SLC7A11: variants seen among roughly 807,000 people sequenced by gnomAD.
SLC7A11 encodes solute carrier family 7 member 11.
SLC7A11 carries 35 observed loss-of-function variants against 54.5 expected under a neutral mutation model. The observed-to-expected ratio is 0.64, with a 90% confidence interval of 0.49 to 0.85. The LOEUF (loss-of-function observed/expected upper bound fraction) is 0.85. SLC7A11 is among the 40% of genes least tolerant of loss of function. The pLI is 0.00. For missense variants in SLC7A11, 583 were observed against 618.1 expected, an observed-to-expected ratio of 0.94 and a Z score of 0.60; for synonymous variants, 230 against 225.2, an observed-to-expected ratio of 1.02 and a Z score of -0.19.
chr4:138,207,823 G>T (rs1398672145), intron 6 of SLC7A11, among the ~76,000 whole-genome samples: 1 of 152,094 alleles, frequency 6.6e-6, no homozygotes, highest in African/African-American at 2.4e-5. Context: ...ACACATTTGG[G>T]CAAGATATTT....
intron 1 of SLC7A11, 96 bp downstream of exon 1, chr4:138,241,697 A>G: frequency 1.0e-6 from 1 of 959,352 alleles, no homozygotes; most frequent in South Asian, 1.5e-5. Context: ...GGCCTTTGCC[A>G]TCCATTCACT....
Position 138,241,919 on chromosome 4 carries a change from A to C in SLC7A11, c.151T>G (p.Ser51Ala). 3 of 1,613,974 alleles carry C rather than the reference A, an allele frequency of 1.9e-6. No individual in the cohort carries two copies. Among genetic ancestry groups the C allele is most frequent in the East Asian group, 4.5e-5 (2 of 44,856 alleles). ...KRKVTLLRGVSIIIGTIIGAG... is the reference protein window; with the variant it reads ...KRKVTLLRGVAIIIGTIIGAG... ...CCAATGATGGTGCCAATGATAATGG[A>C]GACTCCCCTCAGTAAAGTGACTTTC... The change falls in exon 1 of 12, where the codon TCC becomes GCC. Residue 51 changes from serine (S) to alanine (A), a missense_variant. Coordinates refer to ENST00000280612, the MANE Select transcript of SLC7A11 (RefSeq NM_014331.4).
intron 6 of SLC7A11, among the ~76,000 whole-genome samples, chr4:138,210,117 A>T (rs1455397055): frequency 2.6e-5 from 4 of 152,086 alleles, no homozygotes; most frequent in Admixed American, 6.6e-5. Context: ...GATCTCCAAC[A>T]AAGTCAACAA....
chr4:138,212,711 T>C (rs910236630), intron 6 of SLC7A11, among the ~76,000 whole-genome samples: 3 of 151,870 alleles, frequency 2.0e-5, no homozygotes, highest in Non-Finnish European at 4.4e-5. Context: ...CTTCAAGATA[T>C]GCTTAATATA....
At chr4:138,196,435 T>C (rs779050518) in intron 6 of SLC7A11, among the ~76,000 whole-genome samples, 6 of 152,078 alleles carry the variant, frequency 3.9e-5, no homozygotes, top group Non-Finnish European at 7.4e-5. Flanking sequence ...CAAGGAAGAC[T>C]CACTTCTAAA....
At chr4:138,198,183 G>T (rs938491366) in intron 6 of SLC7A11, among the ~76,000 whole-genome samples, 3 of 151,574 alleles carry the variant, frequency 2.0e-5, no homozygotes, top group African/African-American at 7.3e-5. Flanking sequence ...AGATGAAAAT[G>T]ATCTAGGGAT....
intron 3 of SLC7A11, among the ~76,000 whole-genome samples, chr4:138,231,741 C>A (rs561158969): frequency 1.3e-4 from 19 of 152,000 alleles, no homozygotes; most frequent in Admixed American, 3.9e-4. Flanking sequence ...AATTTGGAGA[C>A]CATAAAGAAA....
chr4:138,200,978 A>T (rs1208017928), intron 6 of SLC7A11, among the ~76,000 whole-genome samples: 1 of 152,152 alleles, frequency 6.6e-6, no homozygotes, highest in Admixed American at 6.6e-5. Flanking sequence ...ACCATAGACT[A>T]TCAGGGAGGA....
intron 10 of SLC7A11, among the ~76,000 whole-genome samples, chr4:138,179,658 G>A (rs938067559): frequency 6.6e-6 from 1 of 152,060 alleles, no homozygotes; most frequent in Non-Finnish European, 1.5e-5. Context: ...GACAAAAATG[G>A]ATACTTTATT....
At chr4:138,174,379 C>T (rs1246479018) in intron 11 of SLC7A11, 1 of 152,244 alleles carries the variant, frequency 6.6e-6, no homozygotes, top group Non-Finnish European at 1.5e-5. Flanking sequence ...GTTTTGCACA[C>T]TTTCTGCTAT....
intron 6 of SLC7A11, among the ~76,000 whole-genome samples, chr4:138,200,955 G>C (rs1737268079): frequency 6.6e-6 from 1 of 152,046 alleles, no homozygotes. Context: ...CTATCTCTTA[G>C]AGAACGGCCA....
In SLC7A11 at chr4:138,170,240, G is replaced by A. The variant is rs1310440470; in HGVS notation, c.*1716C>T. 1 of 84,752 alleles carries A rather than the reference G, an allele frequency of 1.2e-5. No homozygotes were observed. Among genetic ancestry groups the A allele is most frequent in the African/African-American group, 4.2e-5 (1 of 23,572 alleles). 5.2% of individuals were successfully genotyped at this position (84,752 alleles called of 1,614,324 possible). The stretch of plus-strand genomic sequence containing the variant: ...ATATATATATATATAAAAAGTGTGT[G>A]TGTGTGTGTGTATATATATATATAT... On this transcript the variant is annotated 3_prime_UTR_variant, in exon 12 of 12. Coordinates refer to ENST00000280612, the MANE Select transcript of SLC7A11 (RefSeq NM_014331.4).
At chr4:138,182,420 T>TTGAC (rs1260964204) in intron 8 of SLC7A11, 27 bp from the exon 9 acceptor site, 1 of 1,360,312 alleles carries the variant, frequency 7.4e-7, no homozygotes, top group East Asian at 2.3e-5. Flanking sequence ...GTGGGTGGAG[T>TTGAC]TGACTGTATG....
At chr4:138,219,923 C>T (rs1400814113) in intron 4 of SLC7A11, among the ~76,000 whole-genome samples, 3 of 147,090 alleles carry the variant, frequency 2.0e-5, no homozygotes, top group Non-Finnish European at 3.0e-5. Flanking sequence ...TGTGTGTCAA[C>T]CCAAACTGCA....
intron 5 of SLC7A11, 90 bp downstream of exon 5, chr4:138,219,176 T>C (rs1182309258): frequency 1.4e-6 from 1 of 739,818 alleles, no homozygotes; most frequent in Non-Finnish European, 2.4e-6. Flanking sequence ...GCTATTCACA[T>C]TTGCCTGGCA....
intron 6 of SLC7A11, among the ~76,000 whole-genome samples, chr4:138,190,887 GA>G (rs1472134156): frequency 7.9e-5 from 12 of 152,158 alleles, no homozygotes; most frequent in African/African-American, 2.9e-4. Context: ...TTGGACTACA[GA>G]TGACTGAGAG....
Position 138,219,289 on chromosome 4 carries a change from A to G in SLC7A11, c.723T>C (p.Tyr241=). 6.2e-7 allele frequency: 1 copy of G among 1,605,948 alleles called. No homozygotes were observed. Among genetic ancestry groups the G allele is most frequent in the Non-Finnish European group, 8.5e-7 (1 of 1,172,670 alleles). The change falls in exon 5 of 12, where the codon TAT becomes TAC. Residue 241 remains tyrosine, a synonymous_variant. Coordinates refer to ENST00000280612, the MANE Select transcript of SLC7A11 (RefSeq NM_014331.4). ...ACCAGCCAGCATATGCATACATTCC[A>G]TAATAAAAAGCCAGTGGCAACCGCG... ...SITRLPLAFY[Y]GMYAYAGWFY...
At chr4:138,173,016 T>C (rs985744712) in intron 11 of SLC7A11, among the ~76,000 whole-genome samples, 24 of 152,020 alleles carry the variant, frequency 1.6e-4, no homozygotes, top group African/African-American at 5.6e-4. Flanking sequence ...GCTAATTTTG[T>C]ATTTTTAGTA....
At chr4:138,216,993 T>G (rs866727939) in intron 5 of SLC7A11, among the ~76,000 whole-genome samples, 11 of 152,306 alleles carry the variant, frequency 7.2e-5, no homozygotes, top group Admixed American at 2.6e-4. Flanking sequence ...TCTTTTAGCC[T>G]CCATCTTGTT....
Sources: allele counts gnomAD v4.1 joint callset (sites outside exome capture counted in the v4.1 genomes callset), GRCh38; gene constraint gnomAD v4.1.1; transcripts MANE v1.5; gene names NCBI Gene and HGNC (gene_info 2026-07-23, HGNC 2026-07-21).